Variants in HCN4 observed in about 807,000 individuals in gnomAD.
HCN4 encodes the protein potassium/sodium hyperpolarization-activated cyclic nucleotide-gated channel 4.
Under a neutral mutation model 76.9 loss-of-function variants are expected in HCN4, and 29 were observed. The ratio of observed to expected loss-of-function variants is 0.38; its 90% CI spans 0.28 to 0.51. The LOEUF is 0.51. Among genes scored for constraint, HCN4 ranks in the 20% least tolerant of loss-of-function variants. HCN4 has a pLI of 0.90. For synonymous variants in HCN4, 772 were observed against 762.5 expected, an observed-to-expected ratio of 1.01 and a Z score of -0.21; for missense variants, 1,416 against 1,715.2, an observed-to-expected ratio of 0.83 and a Z score of 3.08.
At chr15:73,357,345 C>T (rs561939398) in intron 1 of HCN4, among the ~76,000 whole-genome samples, 3 of 152,242 alleles carry the variant, frequency 2.0e-5, no homozygotes, top group South Asian at 4.1e-4. Flanking sequence ...TGATGATGCC[C>T]CAGAGCCTCT....
At chr15:73,341,844 T>C (rs894505411) in intron 2 of HCN4, among the ~76,000 whole-genome samples, 4 of 152,226 alleles carry the variant, frequency 2.6e-5, no homozygotes, top group Admixed American at 1.3e-4. Context: ...CTATGGCACA[T>C]GCGTTCATGA....
chr15:73,348,185 G>A (rs935771734), intron 1 of HCN4, among the ~76,000 whole-genome samples: 4 of 152,186 alleles, frequency 2.6e-5, no homozygotes, highest in Admixed American at 6.5e-5. Flanking sequence ...TACTGAACTC[G>A]GGGACTCAAG....
intron 1 of HCN4, among the ~76,000 whole-genome samples, chr15:73,349,608 T>A (rs557323830): frequency 6.6e-6 from 1 of 152,256 alleles, no homozygotes; most frequent in African/African-American, 2.4e-5. Flanking sequence ...CTCTCTTCCA[T>A]GGCACCTGCA....
Position 73,343,448 on chromosome 15 carries a change from G to A in HCN4, c.1146C>T (p.Ile382=). Residue 382 remains isoleucine, a synonymous_variant, in exon 2 of 8, where the codon ATC becomes ATT. Coordinates refer to ENST00000261917, the MANE Select transcript of HCN4 (RefSeq NM_005477.3). This position sits in a 1 kb window ranked among gnomAD's most constrained non-coding sequence, Gnocchi z 5.7. ...RALRIVRFTK[I]LSLLRLLRLS... is the part of the protein sequence containing the mutation. ...GGCGTAACAGGCGTAAGAGGCTGAGGATCTTCGTGAAGCGGACAATGCGCA... is the reference window on the plus strand; with the variant it reads ...GGCGTAACAGGCGTAAGAGGCTGAGAATCTTCGTGAAGCGGACAATGCGCA... The A allele has an allele frequency of 1.9e-6, 3 of 1,614,206 alleles. No individual in the cohort carries two copies. The South Asian group carries it at 3.3e-5, about 18-fold the overall frequency.
chr15:73,343,377 C>A lies in HCN4; in HGVS notation c.1209+8G>T. 6.2e-7 allele frequency: 1 copy of A among 1,613,800 alleles called. No individual in the cohort carries two copies. The highest frequency in any genetic ancestry group is 8.5e-7 in the Non-Finnish European group (1 of 1,179,834). On this transcript the variant is annotated splice_region_variant and intron_variant, in intron 2 of 7. Coordinates refer to ENST00000261917, the MANE Select transcript of HCN4 (RefSeq NM_005477.3). This position sits in a 1 kb window ranked among gnomAD's most constrained non-coding sequence, Gnocchi z 5.7. ...CTTTCCCCCAAGAGGTTTGCACTGA[C>A]CACTTACCTCTTCCCACTGGTGAAT... is the stretch of plus-strand genomic sequence containing the variant.
chr15:73,353,728 G>C (rs1209913286), intron 1 of HCN4, among the ~76,000 whole-genome samples: 2 of 152,120 alleles, frequency 1.3e-5, no homozygotes, highest in African/African-American at 4.8e-5. Flanking sequence ...CCCAGGGTGA[G>C]CAGGAGTCCT....
intron 1 of HCN4, among the ~76,000 whole-genome samples, chr15:73,344,969 C>T (rs2043023554): frequency 6.6e-6 from 1 of 152,228 alleles, no homozygotes. Context: ...TACACAATAA[C>T]AGATAAAGGT....
chr15:73,322,378 A>C lies in HCN4; in HGVS notation c.*103T>G. ...GTTTTTCTGGTGTGTGTGGTTTTTT[A>C]AATAATTATTACTGTTATTGGTATA... is the stretch of plus-strand genomic sequence containing the variant. On this transcript the variant is annotated 3_prime_UTR_variant, in exon 8 of 8. Transcript: ENST00000261917. 1 of 980,140 alleles carries C rather than the reference A, an allele frequency of 1.0e-6. No individual in the cohort carries two copies. The highest frequency in any genetic ancestry group is 1.6e-6 in the Non-Finnish European group (1 of 630,174). 60.7% of individuals were successfully genotyped at this position (980,140 alleles called of 1,614,324 possible). A position where few individuals can be genotyped will look rare whatever the true frequency, so the allele number is the denominator to read the frequency against.
Position 73,328,184 on chromosome 15 carries a change from C to T in HCN4, c.1590+1389G>A, listed in dbSNP as rs476846. Among the ~76,000 whole-genome samples the T allele has an allele frequency of 0.5, 75,602 of 151,744 alleles. 19,066 individuals carry two copies. The highest frequency in any genetic ancestry group is 0.55 in the East Asian group (2,778 of 5,082). On this transcript the variant is annotated intron_variant, in intron 4 of 7. Coordinates refer to ENST00000261917, the MANE Select transcript of HCN4 (RefSeq NM_005477.3). The surrounding 1 kb of genome is among the most constrained non-coding windows in gnomAD (Gnocchi z 4.0). Reference sequence around the variant, plus strand: ...GACAGGTGAGGGGCTGGCCAGGTCACAGACGGCTTCTCTAAGTGGTGAGGC... The same window carrying T: ...GACAGGTGAGGGGCTGGCCAGGTCATAGACGGCTTCTCTAAGTGGTGAGGC...
intron 1 of HCN4, among the ~76,000 whole-genome samples, chr15:73,351,895 A>G (rs1351949933): frequency 2.0e-5 from 3 of 151,944 alleles, no homozygotes; most frequent in Non-Finnish European, 4.4e-5. Flanking sequence ...TCCCCAACGC[A>G]TGGTGCTTTC....
rs2042866034 is a variant in HCN4, at chr15:73,322,532, T to C, written c.3561A>G (p.Glu1187=). ...GCACTGGCTCAGGCCTGGCCCCAGG[T>C]TCCCTCTGGGGTCCAGCAGTCAGAG... The part of the protein sequence containing the change: ...GPPLTAGPQR[E]PGARPEPVRS... Residue 1187 remains glutamate (E), a synonymous_variant, in exon 8 of 8, where the codon GAA becomes GAG. Coordinates refer to ENST00000261917, the MANE Select transcript of HCN4 (RefSeq NM_005477.3). The C allele has an allele frequency of 1.2e-6, 2 of 1,604,908 alleles. No individual in the cohort carries two copies. Among genetic ancestry groups the C allele is most frequent in the African/African-American group, 2.7e-5 (2 of 74,742 alleles).
chr15:73,326,138 C>T (rs1160582737), intron 4 of HCN4, among the ~76,000 whole-genome samples: 1 of 152,052 alleles, frequency 6.6e-6, no homozygotes, highest in African/African-American at 2.4e-5. Flanking sequence ...GTGGACATTG[C>T]TCCCACCATC....
intron 4 of HCN4, among the ~76,000 whole-genome samples, chr15:73,327,498 A>T (rs2042907146): frequency 6.6e-6 from 1 of 151,650 alleles, no homozygotes; most frequent in South Asian, 2.1e-4. Context: ...CCCCACTCAC[A>T]TGCTGAGCCC....
chr15:73,335,945 G>A (rs1244222199), intron 2 of HCN4, among the ~76,000 whole-genome samples: 2 of 152,166 alleles, frequency 1.3e-5, no homozygotes, highest in Admixed American at 1.3e-4. Flanking sequence ...GCCCAAGAAA[G>A]CCCCCCTCCC....
At chr15:73,336,528 C>T (rs1277347996) in intron 2 of HCN4, among the ~76,000 whole-genome samples, 1 of 152,094 alleles carries the variant, frequency 6.6e-6, no homozygotes, top group African/African-American at 2.4e-5. Context: ...CCAGCTGTCT[C>T]GGTCTATCTC....
At chr15:73,366,304 C>T (rs1013867772) in intron 1 of HCN4, among the ~76,000 whole-genome samples, 1 of 152,118 alleles carries the variant, frequency 6.6e-6, no homozygotes, top group Non-Finnish European at 1.5e-5. Flanking sequence ...CATTACAAAC[C>T]CAGCTTCCCT....
At position 73,325,585 on chromosome 15, in the gene HCN4, C is replaced by T; in HGVS notation, c.1591-141G>A. 1.2e-6 allele frequency: 1 copy of T among 841,500 alleles called. No individual in the cohort carries two copies. The highest frequency in any genetic ancestry group is 2.0e-6 in the Non-Finnish European group (1 of 503,274). The allele number at this position is 841,500 out of a possible 1,614,324, so 52.1% of individuals were successfully genotyped here. ...AACTTGGTTCCTTGAGATCTGAGGT[C>T]TACAGTGTGGAAATGACCTCACTGT... On this transcript the variant is annotated intron_variant, in intron 4 of 7. Transcript: ENST00000261917. This position sits in a 1 kb window ranked among gnomAD's most constrained non-coding sequence, Gnocchi z 7.4.
chr15:73,324,029 A>G, intron 7 of HCN4, 60 bp downstream of exon 7: 1 of 1,610,238 alleles, frequency 6.2e-7, no homozygotes. Context: ...GGCATAAAGG[A>G]GCCCTGCCCT....
intron 1 of HCN4, among the ~76,000 whole-genome samples, chr15:73,359,567 C>T (rs2043096131): frequency 6.6e-6 from 1 of 152,016 alleles, no homozygotes; most frequent in Non-Finnish European, 1.5e-5. Flanking sequence ...GCAAGGGCAC[C>T]GAAATTGGCT....
Sources: allele counts gnomAD v4.1 joint callset (sites outside exome capture counted in the v4.1 genomes callset), GRCh38; gene constraint gnomAD v4.1.1; non-coding constraint Gnocchi (gnomAD v3.1); transcripts MANE v1.5; gene names NCBI Gene and HGNC (gene_info 2026-07-23, HGNC 2026-07-21).